Variants in C10orf53 observed in about 807,000 individuals in gnomAD.
The protein encoded by C10orf53 is UPF0728 protein C10orf53.
A neutral mutation model predicts 9.4 loss-of-function variants in C10orf53; 8 were observed. The observed-to-expected ratio is 0.85, with a 90% CI of 0.50 to 1.53. The LOEUF (loss-of-function observed/expected upper bound fraction) is 1.53, where lower values mean the gene tolerates loss of function less well. Among genes scored for constraint, C10orf53 ranks in the 40% most tolerant of loss-of-function variants. C10orf53 has a pLI of 0.00. For missense variants in C10orf53, 117 were observed against 117.8 expected, an observed-to-expected ratio of 0.99 and a Z score of 0.03; for synonymous variants, 48 against 46.0, an observed-to-expected ratio of 1.04 and a Z score of -0.18.
intron 1 of C10orf53, among the ~76,000 whole-genome samples, chr10:49,692,525 G>A (rs150709246): frequency 1.1e-4 from 16 of 152,312 alleles, no homozygotes; most frequent in Admixed American, 2.0e-4. Flanking sequence ...GCTTTACTCC[G>A]TGTAAAACTG....
rs748289257 is a variant in C10orf53 at position 49,693,790 on chromosome 10, T to C, written c.114T>C (p.Asp38=). ...LQGLQAVLAI[D]GHEVILEKIE... is the part of the protein sequence containing the mutation. ...CCTTCCCAGCTGTGTTGGCCATAGA[T>C]GGACATGAGGTCATCCTAGAGAAGA... Residue 38 remains aspartate, a synonymous_variant, in exon 2 of 3, where the codon GAT becomes GAC. Transcript: ENST00000374111. The C allele has an allele frequency of 1.9e-6, 3 of 1,613,768 alleles. No homozygotes were observed. Among genetic ancestry groups the C allele is most frequent in the Non-Finnish European group, 2.5e-6 (3 of 1,179,724 alleles).
In C10orf53 at chr10:49,693,907, C is replaced by T. The variant is rs564338810; in HGVS notation, c.217+14C>T. 5.8e-5 allele frequency: 94 copies of T among 1,614,100 alleles called. 1 individual carries two copies. Among genetic ancestry groups the T allele is most frequent in the Non-Finnish European group, 7.0e-5 (83 of 1,180,034 alleles). On this transcript the variant is annotated intron_variant, in intron 2 of 2. Transcript: ENST00000374111. ...ACTTGGAGTTCGGTAAGCCCTTTGG[C>T]GATGCTTCCAGCCAGCAATTTGCCT...
In C10orf53 at chr10:49,695,562, A is replaced by G. The variant is rs1322694142; in HGVS notation, c.*960A>G. On this transcript the variant is annotated 3_prime_UTR_variant, in exon 3 of 3. Transcript: ENST00000374111. The stretch of plus-strand genomic sequence containing the variant: ...AGGAGCAGGGCTTTCAGGATCGCTC[A>G]GAGACCTGCGGCTTCACCTGCTCTG... 1 of 152,254 alleles carries G rather than the reference A, an allele frequency of 6.6e-6. No homozygotes were observed. The highest frequency in any genetic ancestry group is 2.4e-5 in the African/African-American group (1 of 41,464). 9.4% of individuals were successfully genotyped at this position (152,254 alleles called of 1,614,324 possible).
chr10:49,708,248 T>G, intron 2 of C10orf53: 5 of 1,471,272 alleles, frequency 3.4e-6, no homozygotes, highest in Non-Finnish European at 4.5e-6. Flanking sequence ...TTGGTTTGTA[T>G]ACCTGAAAAG....
exon 3 of C10orf53, chr10:49,708,440 G>A (rs1840737971): frequency 1.2e-5 from 20 of 1,614,136 alleles, no homozygotes; most frequent in Non-Finnish European, 1.7e-5. Flanking sequence ...GCCCGTGTAG[G>A]ATGAAAGTTT....
chr10:49,696,768 G>T lies in C10orf53; in HGVS notation c.*2166G>T, dbSNP rs1301202541. Among the ~76,000 whole-genome samples, 1 of 152,236 alleles carries T rather than the reference G, an allele frequency of 6.6e-6. No individual in the cohort carries two copies. The highest frequency in any genetic ancestry group is 6.5e-5 in the Admixed American group (1 of 15,282). ...TCTGAGCAGTGGGATTGGGGGGTGT[G>T]GGGGGCAGGTGAGGTAGAGGGAGGA... On this transcript the variant is annotated 3_prime_UTR_variant, in exon 3 of 3. Transcript: ENST00000374111.
chr10:49,700,494 C>T (rs559070499), downstream of C10orf53, among the ~76,000 whole-genome samples: 12 of 152,272 alleles, frequency 7.9e-5, no homozygotes, highest in African/African-American at 1.9e-4. Flanking sequence ...TGTTCTTGGG[C>T]CTGGATTCCA....
At chr10:49,702,087 C>T (rs1268747491), downstream of C10orf53, among the ~76,000 whole-genome samples, 1 of 152,078 alleles carries the variant, frequency 6.6e-6, no homozygotes, top group African/African-American at 2.4e-5. Flanking sequence ...ATCTCAGCTA[C>T]TTGGGAGGCT....
chr10:49,707,656 G>T (rs1003335464), intron 2 of C10orf53, among the ~76,000 whole-genome samples: 2 of 152,096 alleles, frequency 1.3e-5, no homozygotes, highest in Non-Finnish European at 2.9e-5. Flanking sequence ...TGGGTTAAAT[G>T]AGTTAAATAC....
Position 49,697,055 on chromosome 10 carries a change from T to C in C10orf53, c.*2453T>C, listed in dbSNP as rs1467973694. Among the ~76,000 whole-genome samples the C allele has an allele frequency of 6.6e-6, 1 of 152,080 alleles. No homozygotes were observed. The highest frequency in any genetic ancestry group is 2.4e-5 in the African/African-American group (1 of 41,410). On this transcript the variant is annotated 3_prime_UTR_variant, in exon 3 of 3. Coordinates refer to ENST00000374111, the MANE Select transcript of C10orf53 (RefSeq NM_001042427.3). Reference sequence around the variant, plus strand: ...AAAAAATACAAAAATTAGCCAGGCCTGGTGGCATGCACCTGTAGTCCCAGC... The same window carrying C: ...AAAAAATACAAAAATTAGCCAGGCCCGGTGGCATGCACCTGTAGTCCCAGC...
chr10:49,702,991 T>C (rs2132890876), intron 2 of C10orf53, among the ~76,000 whole-genome samples: 1 of 152,274 alleles, frequency 6.6e-6, no homozygotes, highest in Middle Eastern at 3.4e-3. Flanking sequence ...CTTTTTCTTT[T>C]TTCATCAGGG....
At chr10:49,688,443 G>A (rs1840549957) in intron 1 of C10orf53, among the ~76,000 whole-genome samples, 1 of 151,904 alleles carries the variant, frequency 6.6e-6, no homozygotes, top group South Asian at 2.1e-4. Flanking sequence ...TGACTTCCCT[G>A]CAACCCTCAT....
chr10:49,707,645 A>C (rs140936186), intron 2 of C10orf53, among the ~76,000 whole-genome samples: 1 of 152,288 alleles, frequency 6.6e-6, no homozygotes, highest in East Asian at 1.9e-4. Context: ...CACTGAGGAA[A>C]TGGGTTAAAT....
chr10:49,693,488 GA>G (rs1243116725), intron 1 of C10orf53, among the ~76,000 whole-genome samples: 1 of 152,148 alleles, frequency 6.6e-6, no homozygotes, highest in African/African-American at 2.4e-5. Context: ...TGAGCCTCTG[GA>G]AAGCCCAATA....
chr10:49,707,328 A>G lies in C10orf53; in HGVS notation c.218-1033A>G, dbSNP rs568457882. The stretch of plus-strand genomic sequence containing the variant: ...GCCCATATCCACAGGATGGACCCCA[A>G]TGTTAAGCTTTCCCACTCCATCCCT... On this transcript the variant is annotated intron_variant, in intron 2 of 2. Coordinates refer to the C10orf53 transcript ENST00000374112. 2.0e-4 allele frequency among the ~76,000 whole-genome samples: 31 copies of G among 152,320 alleles called. No homozygotes were observed. In the South Asian group the frequency reaches 5.4e-3, roughly 27 times the overall value.
chr10:49,699,597 T>A (rs187177955), downstream of C10orf53, among the ~76,000 whole-genome samples: 1 of 152,062 alleles, frequency 6.6e-6, no homozygotes, highest in African/African-American at 2.4e-5. Context: ...TCAAGGAGCA[T>A]GGGATGCTCC....
Position 49,684,474 on chromosome 10 carries a change from C to T in C10orf53, c.97+4680C>T, listed in dbSNP as rs1289765506. The stretch of plus-strand genomic sequence containing the variant: ...GTATTGTTATTTTAACAATATTAAG[C>T]CGTTTAGTCCATGCACACAGGATGC... On this transcript the variant is annotated intron_variant, in intron 1 of 2. Coordinates refer to ENST00000374111, the MANE Select transcript of C10orf53 (RefSeq NM_001042427.3). 2.6e-5 allele frequency among the ~76,000 whole-genome samples: 4 copies of T among 152,108 alleles called. 1 individual carries two copies. Among genetic ancestry groups the T allele is most frequent in the South Asian group, 4.2e-4 (2 of 4,816 alleles).
downstream of C10orf53, among the ~76,000 whole-genome samples, chr10:49,700,925 C>G (rs1840677448): frequency 1.3e-5 from 2 of 152,152 alleles, no homozygotes; most frequent in Non-Finnish European, 2.9e-5. Context: ...CACAGGAGGA[C>G]TCTTTTGAGC....
chr10:49,698,697 T>G (rs1448365470), downstream of C10orf53, among the ~76,000 whole-genome samples: 8 of 152,108 alleles, frequency 5.3e-5, no homozygotes, highest in Non-Finnish European at 1.5e-5. Flanking sequence ...GTCTGAATAT[T>G]GAAAATGCTG....
Sources: allele counts gnomAD v4.1 joint callset (sites outside exome capture counted in the v4.1 genomes callset), GRCh38; gene constraint gnomAD v4.1.1; transcripts MANE v1.5; gene names NCBI Gene and HGNC (gene_info 2026-07-23, HGNC 2026-07-21).